The following UBE3A variants were observed in gnomAD, a reference collection of about 807,000 sequenced individuals.
The protein encoded by UBE3A is ubiquitin-protein ligase E3A.
Under a neutral mutation model 83.4 loss-of-function variants are expected in UBE3A, and 6 were observed. The observed-to-expected ratio is 0.07, with a 90% CI of 0.04 to 0.14. UBE3A has a LOEUF of 0.14. UBE3A is among the 10% of genes least tolerant of loss of function. The pLI, the probability that UBE3A is intolerant of heterozygous loss-of-function variation, is 1.00. For synonymous variants in UBE3A, 337 were observed against 355.4 expected, an observed-to-expected ratio of 0.95 and a Z score of 0.58; for missense variants, 456 against 1,036.1, an observed-to-expected ratio of 0.44 and a Z score of 7.69.
chr15:25,405,584 T>C lies in UBE3A; in HGVS notation c.21-82A>G, dbSNP rs1206862032. ...GTAGACATATTACTTAGGAAGACAA[T>C]TTTGTAAACAAGATTTAAGCACTAA... On this transcript the variant is annotated intron_variant, in intron 3 of 12. Transcript: ENST00000648336. 10 of 1,433,056 alleles carry C rather than the reference T, an allele frequency of 7.0e-6. No individual in the cohort carries two copies. In the Admixed American group the frequency reaches 1.4e-4, roughly 20 times the overall value. 88.8% of individuals were successfully genotyped at this position (1,433,056 alleles called of 1,614,324 possible). A position where few individuals can be genotyped will look rare whatever the true frequency, so the allele number is the denominator to read the frequency against.
intron 1 of UBE3A, among the ~76,000 whole-genome samples, chr15:25,414,143 C>T (rs568465670): frequency 2.2e-4 from 33 of 152,248 alleles, no homozygotes; most frequent in African/African-American, 7.0e-4. Flanking sequence ...CTACATTCAA[C>T]GTATCTAATA....
chr15:25,408,486 T>G, intron 3 of UBE3A: 1 of 1,206,386 alleles, frequency 8.3e-7, no homozygotes, highest in Non-Finnish European at 1.2e-6. Flanking sequence ...CCAAATAACA[T>G]TGGATAATAA....
At chr15:25,355,812 T>C (rs2152692915) in intron 9 of UBE3A, 80 bp downstream of exon 9, 1 of 1,338,626 alleles carries the variant, frequency 7.5e-7, no homozygotes, top group Non-Finnish European at 1.1e-6. Context: ...CTATATTAGA[T>C]ACTTCTTTAA....
chr15:25,438,274 G>C (rs1170634684), intron 1 of UBE3A: 1 of 152,390 alleles, frequency 6.6e-6, no homozygotes, highest in Non-Finnish European at 1.5e-5. Context: ...TCCCGCCGTC[G>C]CTCAGCCAGG....
intron 1 of UBE3A, among the ~76,000 whole-genome samples, chr15:25,421,557 G>T (rs1567161525): frequency 6.6e-6 from 1 of 152,186 alleles, no homozygotes; most frequent in African/African-American, 2.4e-5. Context: ...AGCAGATAGG[G>T]AGAGTAGGCA....
chr15:25,392,063 A>G (rs993422930), intron 4 of UBE3A, among the ~76,000 whole-genome samples: 1 of 152,210 alleles, frequency 6.6e-6, no homozygotes, highest in Non-Finnish European at 1.5e-5. Flanking sequence ...ACAAAACCAG[A>G]AGGCATAAGC....
chr15:25,338,247 C>CTAACTTTG lies in UBE3A; in HGVS notation c.*882_*889dup, dbSNP rs2074138727. The stretch of plus-strand genomic sequence containing the variant: ...TTATAATAAACAAACAACAAACTTC[C>CTAACTTTG]TAACTTTGTTGCAATAGGCTTGACT... On this transcript the variant is annotated 3_prime_UTR_variant, in exon 13 of 13. Coordinates refer to ENST00000648336, the MANE Select transcript of UBE3A (RefSeq NM_130839.5). 6.6e-6 allele frequency: 1 copy of CTAACTTTG among 152,028 alleles called. No homozygotes were observed. The highest frequency in any genetic ancestry group is 2.4e-5 in the African/African-American group (1 of 41,376). 9.4% of individuals were successfully genotyped at this position (152,028 alleles called of 1,614,324 possible). A position where few individuals can be genotyped will look rare whatever the true frequency, so the allele number is the denominator to read the frequency against.
rs755579490 is a variant in UBE3A, at chr15:25,370,857, T to C, written c.1317A>G (p.Pro439=). ...LGVKTLDCRK[P]LIPFEEFINE... ...TAATAAACTCTTCAAAAGGGATAAG[T>C]GGTTTTCGACAATCCAGGGTTTTAA... The change falls in exon 6 of 13, where the codon CCA becomes CCG. Residue 439 remains proline, a synonymous_variant. Coordinates refer to ENST00000648336, the MANE Select transcript of UBE3A (RefSeq NM_130839.5). The surrounding 1 kb of genome is among the most constrained non-coding windows in gnomAD (Gnocchi z 4.2). 3 of 1,614,136 alleles carry C rather than the reference T, an allele frequency of 1.9e-6. No homozygotes were observed. The highest frequency in any genetic ancestry group is 2.2e-5 in the South Asian group (2 of 91,078).
intron 1 of UBE3A, among the ~76,000 whole-genome samples, chr15:25,435,733 G>C (rs1894863986): frequency 6.6e-6 from 1 of 152,190 alleles, no homozygotes; most frequent in East Asian, 1.9e-4. Context: ...AAGCCATGCT[G>C]TCTGTGGTGT....
intron 1 of UBE3A, among the ~76,000 whole-genome samples, chr15:25,416,079 A>T (rs998327954): frequency 6.6e-6 from 1 of 152,164 alleles, no homozygotes; most frequent in Non-Finnish European, 1.5e-5. Flanking sequence ...ACTTAAATGG[A>T]ATAATTAAAA....
intron 4 of UBE3A, among the ~76,000 whole-genome samples, chr15:25,391,140 T>C (rs1473546920): frequency 6.6e-6 from 1 of 152,186 alleles, no homozygotes; most frequent in Non-Finnish European, 1.5e-5. Flanking sequence ...GGTATACATA[T>C]ATAACAAAAT....
chr15:25,429,139 T>A lies in UBE3A; in HGVS notation c.-165+9350A>T, dbSNP rs141974254. ...GTTATACATGTCTGTAAAAATTTAA[T>A]ACAAAAACCAACACCACATATCACT... is the stretch of plus-strand genomic sequence containing the variant. On this transcript the variant is annotated intron_variant, in intron 1 of 12. Transcript: ENST00000648336. Among the ~76,000 whole-genome samples the A allele has an allele frequency of 4.9e-3, 749 of 152,238 alleles. 4 individuals carry two copies. Among genetic ancestry groups the A allele is most frequent in the African/African-American group, 0.017 (717 of 41,518 alleles).
intron 4 of UBE3A, among the ~76,000 whole-genome samples, chr15:25,401,476 C>T (rs986148133): frequency 6.6e-6 from 1 of 152,148 alleles, no homozygotes; most frequent in African/African-American, 2.4e-5. Flanking sequence ...TGATACAATC[C>T]TTGTCACTGG....
In UBE3A at chr15:25,390,470, A is replaced by G. The variant is rs146667643; in HGVS notation, c.63-14707T>C. Among the ~76,000 whole-genome samples, 514 of 152,302 alleles carry G rather than the reference A, an allele frequency of 3.4e-3. 3 individuals carry two copies. The highest frequency in any genetic ancestry group is 0.012 in the African/African-American group (483 of 41,562). On this transcript the variant is annotated intron_variant, in intron 4 of 12. Coordinates refer to ENST00000648336, the MANE Select transcript of UBE3A (RefSeq NM_130839.5). Reference sequence around the variant, plus strand: ...AAATGGAAAAAGAGAGGTACTAACAACCTATGAAAAGACATGGAAGAAACT... The same window carrying G: ...AAATGGAAAAAGAGAGGTACTAACAGCCTATGAAAAGACATGGAAGAAACT...
In UBE3A at chr15:25,356,572, T is replaced by C; in HGVS notation, c.1959+119A>G. 3 of 991,946 alleles carry C rather than the reference T, an allele frequency of 3.0e-6. No homozygotes were observed. The South Asian group carries it at 4.5e-5, about 15-fold the overall frequency. The allele number at this position is 991,946 out of a possible 1,614,324, so 61.4% of individuals were successfully genotyped here. ...CGGTCAGATTAAAACATTTTTATCT[T>C]ATTGATAAGAGTATCAACAAAGATT... On this transcript the variant is annotated intron_variant, in intron 8 of 12. Transcript: ENST00000648336.
rs889164098 is a variant in UBE3A, at chr15:25,402,032, A to G, written c.62+3429T>C. ...TTGAATTCTTTGTCAGGCAGTTCAT[A>G]TATCTCCATTTCTTTATGGTTGGTT... On this transcript the variant is annotated intron_variant, in intron 4 of 12. Transcript: ENST00000648336. Among the ~76,000 whole-genome samples the G allele has an allele frequency of 1.2e-4, 18 of 152,282 alleles. 1 individual carries two copies. The highest frequency in any genetic ancestry group is 3.8e-4 in the African/African-American group (16 of 41,574).
intron 4 of UBE3A, chr15:25,391,538 T>A (rs183251047): frequency 2.4e-4 from 36 of 152,312 alleles, no homozygotes; most frequent in Admixed American, 2.0e-3. Context: ...ACCTCTTATA[T>A]AAACTGATAA....
At position 25,335,885 on chromosome 15, in the gene UBE3A, G is replaced by A. The variant is rs2073938827; in HGVS notation, c.*3252C>T. On this transcript the variant is annotated 3_prime_UTR_variant, in exon 13 of 13. Coordinates refer to ENST00000648336, the MANE Select transcript of UBE3A (RefSeq NM_130839.5). Reference sequence around the variant, plus strand: ...GTAAACTGGGATGGAAAAACAAGTAGCCAGAGAAGCAACAGCCCAAGCTAG... The same window carrying A: ...GTAAACTGGGATGGAAAAACAAGTAACCAGAGAAGCAACAGCCCAAGCTAG... The A allele has an allele frequency of 6.6e-6, 1 of 152,148 alleles. No homozygotes were observed. The highest frequency in any genetic ancestry group is 2.1e-4 in the South Asian group (1 of 4,822). 9.4% of individuals were successfully genotyped at this position (152,148 alleles called of 1,614,324 possible).
At chr15:25,363,595 C>T (rs2152752384) in intron 6 of UBE3A, among the ~76,000 whole-genome samples, 2 of 152,242 alleles carry the variant, frequency 1.3e-5, no homozygotes, top group African/African-American at 4.8e-5. Context: ...AGTTGTGGAA[C>T]AGAGATACTA....
Sources: gnomAD v4.1 joint callset for allele counts (sites outside exome capture counted in the v4.1 genomes callset) on GRCh38, gnomAD v4.1.1 for gene constraint, Gnocchi (gnomAD v3.1) non-coding constraint, MANE v1.5 for transcripts, NCBI Gene and HGNC (gene_info 2026-07-23, HGNC 2026-07-21) for gene names.